DGKB: variants seen among roughly 807,000 people sequenced by gnomAD.
The protein encoded by DGKB is 90 kDa diacylglycerol kinase.
In DGKB, 67 loss-of-function variants were observed where a neutral mutation model predicts 114.3. The ratio of observed to expected loss-of-function variants is 0.59; its 90% CI spans 0.48 to 0.72. The LOEUF is 0.72. Among genes scored for constraint, DGKB ranks in the 30% least tolerant of loss-of-function variants. The pLI is 0.00. For missense variants in DGKB, 907 were observed against 975.2 expected (o/e 0.93, Z 0.93); for synonymous variants, 398 against 323.1 (o/e 1.23, Z -2.49).
chr7:14,870,111 C>T (rs1852235979), intron 1 of DGKB, among the ~76,000 whole-genome samples: 1 of 152,034 alleles, frequency 6.6e-6, no homozygotes, highest in Non-Finnish European at 1.5e-5. Context: ...GATTCCATTG[C>T]CACCTGTATG....
intron 2 of DGKB, among the ~76,000 whole-genome samples, chr7:14,763,375 G>C (rs953550957): frequency 2.0e-5 from 3 of 152,014 alleles, no homozygotes; most frequent in African/African-American, 7.2e-5. Context: ...TAGCTTGAAT[G>C]CATGAGCATT....
chr7:14,852,040 G>C (rs1849421111), intron 1 of DGKB, among the ~76,000 whole-genome samples: 1 of 152,030 alleles, frequency 6.6e-6, no homozygotes. Context: ...TATAAACACA[G>C]TAAAACGATT....
intron 21 of DGKB, among the ~76,000 whole-genome samples, chr7:14,431,256 T>G (rs1289380007): frequency 7.2e-5 from 11 of 152,180 alleles, no homozygotes; most frequent in African/African-American, 1.7e-4. Flanking sequence ...TCAGCCATTC[T>G]GCAGTGTAAC....
intron 21 of DGKB, among the ~76,000 whole-genome samples, chr7:14,398,384 G>T (rs567920642): frequency 6.6e-6 from 1 of 151,870 alleles, no homozygotes; most frequent in African/African-American, 2.4e-5. Context: ...ATCTGTATAT[G>T]GTACTAAAGG....
At chr7:14,879,358 T>C (rs1853859274) in intron 1 of DGKB, among the ~76,000 whole-genome samples, 3 of 149,600 alleles carry the variant, frequency 2.0e-5, no homozygotes, top group Non-Finnish European at 4.4e-5. Context: ...TCAGGATCAG[T>C]TGTATCATTT....
chr7:14,276,871 T>C (rs1284577865), intron 23 of DGKB, among the ~76,000 whole-genome samples: 1 of 151,952 alleles, frequency 6.6e-6, no homozygotes, highest in Non-Finnish European at 1.5e-5. Context: ...TTTAATATTC[T>C]TTTTAAAGAA....
chr7:14,654,317 G>A (rs1815315650), intron 13 of DGKB, among the ~76,000 whole-genome samples: 2 of 151,616 alleles, frequency 1.3e-5, no homozygotes, highest in African/African-American at 4.8e-5. Flanking sequence ...AAATACTTAG[G>A]AATAAATTTA....
At chr7:14,284,314 C>A (rs1462693430) in intron 23 of DGKB, among the ~76,000 whole-genome samples, 1 of 143,302 alleles carries the variant, frequency 7.0e-6, no homozygotes, top group Non-Finnish European at 1.5e-5. Context: ...CAATGAGATA[C>A]CATCTCACAC....
chr7:14,716,515 T>C (rs1467957970), intron 6 of DGKB, among the ~76,000 whole-genome samples: 1 of 152,242 alleles, frequency 6.6e-6, no homozygotes, highest in Non-Finnish European at 1.5e-5. Flanking sequence ...GTCTATATTG[T>C]ATTTAGTAAA....
At chr7:14,521,180 A>T (rs538079170) in intron 20 of DGKB, among the ~76,000 whole-genome samples, 15 of 152,268 alleles carry the variant, frequency 9.9e-5, no homozygotes, top group African/African-American at 3.6e-4. Context: ...CCAAATGCAC[A>T]TTAAAACAAT....
At chr7:14,457,481 T>C (rs1020026008) in intron 21 of DGKB, among the ~76,000 whole-genome samples, 5 of 152,230 alleles carry the variant, frequency 3.3e-5, no homozygotes, top group South Asian at 2.1e-4. Context: ...TTAATTGCTA[T>C]ATTAAAGCTA....
intron 1 of DGKB, among the ~76,000 whole-genome samples, chr7:14,877,936 G>A (rs955726620): frequency 6.6e-6 from 1 of 151,910 alleles, no homozygotes; most frequent in Non-Finnish European, 1.5e-5. Flanking sequence ...TATCTTTAGT[G>A]CCAATTTTTA....
intron 23 of DGKB, among the ~76,000 whole-genome samples, chr7:14,195,877 G>C (rs1784944636): frequency 6.6e-6 from 1 of 152,132 alleles, no homozygotes; most frequent in African/African-American, 2.4e-5. Flanking sequence ...CTTAGCAAGA[G>C]ATTGAAAGAC....
chr7:14,466,858 A>G (rs115034016), intron 21 of DGKB, among the ~76,000 whole-genome samples: 2,173 of 152,218 alleles, frequency 0.014, 54 homozygotes, highest in African/African-American at 0.047. Flanking sequence ...GCGTTTATAT[A>G]GAGAGGCTAG....
intron 1 of DGKB, among the ~76,000 whole-genome samples, chr7:14,947,221 A>G (rs1785934301): frequency 6.6e-6 from 1 of 151,726 alleles, no homozygotes; most frequent in South Asian, 2.1e-4. Context: ...CCTAAAAAGT[A>G]TAAGGTCTGT....
At chr7:14,854,215 G>C (rs1849795188) in intron 1 of DGKB, among the ~76,000 whole-genome samples, 1 of 152,136 alleles carries the variant, frequency 6.6e-6, no homozygotes, top group African/African-American at 2.4e-5. Context: ...TTTCAGTAAG[G>C]TAACTCTGGA....
intron 2 of DGKB, among the ~76,000 whole-genome samples, chr7:14,785,536 A>G (rs956995621): frequency 2.0e-5 from 3 of 152,122 alleles, no homozygotes; most frequent in Admixed American, 1.3e-4. Flanking sequence ...ATATCCATTC[A>G]CTGCTGTACT....
chr7:14,440,304 T>C (rs1046735154), intron 21 of DGKB, among the ~76,000 whole-genome samples: 27 of 152,134 alleles, frequency 1.8e-4, no homozygotes, highest in Admixed American at 6.6e-5. Flanking sequence ...TTTGCCAACA[T>C]CCTGCTTTCA....
At chr7:14,483,265 C>T (rs7783571) in intron 20 of DGKB, among the ~76,000 whole-genome samples, 66,494 of 151,840 alleles carry the variant, frequency 0.44, 15,077 homozygotes, top group East Asian at 0.76. Context: ...AATAGGAATG[C>T]GTACAACTGT....
Sources: gnomAD v4.1 joint callset for allele counts (sites outside exome capture counted in the v4.1 genomes callset) on GRCh38, gnomAD v4.1.1 for gene constraint, MANE v1.5 for transcripts, NCBI Gene and HGNC (gene_info 2026-07-23, HGNC 2026-07-21) for gene names.